B3GAT2: variants seen among roughly 807,000 people sequenced by gnomAD.
B3GAT2 encodes galactosylgalactosylxylosylprotein 3-beta-glucuronosyltransferase 2.
A neutral mutation model predicts 27.8 loss-of-function variants in B3GAT2; 26 were observed. The ratio of observed to expected loss-of-function variants is 0.93; its 90% CI spans 0.68 to 1.30. B3GAT2 has a LOEUF of 1.30. B3GAT2 is among the 50% of genes most tolerant of loss of function. The pLI, the probability that B3GAT2 is intolerant of heterozygous loss-of-function variation, is 0.00. For synonymous variants in B3GAT2, 218 were observed against 195.1 expected (o/e 1.12, Z -0.98); for missense variants, 458 against 459.0 (o/e 1.00, Z 0.02).
intron 1 of B3GAT2, among the ~76,000 whole-genome samples, chr6:70,946,719 C>T (rs1765490070): frequency 6.6e-6 from 1 of 152,142 alleles, no homozygotes; most frequent in African/African-American, 2.4e-5. Flanking sequence ...CTCAGCTCTG[C>T]ACCAAGCGGA....
chr6:70,866,018 G>T (rs1423183286), intron 2 of B3GAT2, among the ~76,000 whole-genome samples: 1 of 152,176 alleles, frequency 6.6e-6, no homozygotes, highest in African/African-American at 2.4e-5. Context: ...TATGCAGGGT[G>T]GAGTACTAGA....
chr6:70,875,179 A>G (rs1285439474), intron 2 of B3GAT2, among the ~76,000 whole-genome samples: 1 of 152,098 alleles, frequency 6.6e-6, no homozygotes, highest in African/African-American at 2.4e-5. Flanking sequence ...TGCAACCCCA[A>G]ATCCCAGTAC....
At chr6:70,889,368 C>A (rs565804824) in intron 2 of B3GAT2, among the ~76,000 whole-genome samples, 3 of 152,186 alleles carry the variant, frequency 2.0e-5, no homozygotes, top group African/African-American at 7.2e-5. Context: ...TTTGCTGCCG[C>A]ATTTCTTAAG....
Position 70,861,985 on chromosome 6 carries a change from G to GAAA in B3GAT2, c.737-10_737-8dup. On this transcript the variant is annotated splice_polypyrimidine_tract_variant and splice_region_variant and intron_variant, in intron 2 of 3. Coordinates refer to ENST00000230053, the MANE Select transcript of B3GAT2 (RefSeq NM_080742.3). ...TGAAGACTTACAGCAAATCCTTTGT[G>GAAA]AAAAATAAAAAAAAAAAAGAGACTT... 2 of 1,545,898 alleles carry GAAA rather than the reference G, an allele frequency of 1.3e-6. No homozygotes were observed. The highest frequency in any genetic ancestry group is 4.2e-5 in the Admixed American group (2 of 47,466).
At chr6:70,915,232 T>C (rs1448959262) in intron 1 of B3GAT2, among the ~76,000 whole-genome samples, 3 of 152,228 alleles carry the variant, frequency 2.0e-5, no homozygotes, top group Non-Finnish European at 4.4e-5. Context: ...TCATATCCTT[T>C]GCCCACTTTT....
At chr6:70,889,428 G>C (rs994500298) in intron 2 of B3GAT2, among the ~76,000 whole-genome samples, 3 of 151,938 alleles carry the variant, frequency 2.0e-5, no homozygotes, top group African/African-American at 7.3e-5. Context: ...CACCCCCACT[G>C]TCCACCCACT....
intron 2 of B3GAT2, 96 bp downstream of exon 2, chr6:70,894,032 T>C (rs2150031521): frequency 3.0e-6 from 4 of 1,335,054 alleles, no homozygotes; most frequent in Non-Finnish European, 4.0e-6. Flanking sequence ...TTTATCCAAA[T>C]TTGTCTTTTA....
intron 2 of B3GAT2, among the ~76,000 whole-genome samples, chr6:70,886,062 C>T (rs1229042079): frequency 6.6e-6 from 1 of 152,228 alleles, no homozygotes; most frequent in Admixed American, 6.5e-5. Flanking sequence ...TGTTCTACTC[C>T]TGGCTGCTTT....
chr6:70,867,546 A>G (rs1374439762), intron 2 of B3GAT2, among the ~76,000 whole-genome samples: 1 of 152,184 alleles, frequency 6.6e-6, no homozygotes, highest in Non-Finnish European at 1.5e-5. Flanking sequence ...TTTTTATGAT[A>G]GTAAATTTGA....
chr6:70,935,670 A>G, intron 1 of B3GAT2, among the ~76,000 whole-genome samples: 1 of 152,166 alleles, frequency 6.6e-6, no homozygotes, highest in Admixed American at 6.5e-5. Context: ...TAAGTGAAGG[A>G]GAAATAAAAT....
intron 1 of B3GAT2, among the ~76,000 whole-genome samples, chr6:70,942,854 A>G (rs1454491808): frequency 6.6e-6 from 1 of 152,190 alleles, no homozygotes; most frequent in Middle Eastern, 3.2e-3. Flanking sequence ...AGTACTGCTA[A>G]GATGCAAATC....
intron 1 of B3GAT2, among the ~76,000 whole-genome samples, chr6:70,937,628 AT>A (rs1424663980): frequency 2.6e-5 from 4 of 151,726 alleles, no homozygotes; most frequent in African/African-American, 9.7e-5. Flanking sequence ...AATCCAGCAT[AT>A]AAACAGAACC....
intron 1 of B3GAT2, among the ~76,000 whole-genome samples, chr6:70,944,256 C>T (rs1018490019): frequency 1.3e-5 from 2 of 152,112 alleles, no homozygotes; most frequent in African/African-American, 2.4e-5. Context: ...CGTGCCCAAG[C>T]GAAAGCAGGG....
At chr6:70,900,311 G>C (rs73505638) in intron 1 of B3GAT2, among the ~76,000 whole-genome samples, 35,023 of 152,144 alleles carry the variant, frequency 0.23, 4,140 homozygotes, top group Non-Finnish European at 0.26. Context: ...TTCCAGGGTA[G>C]TGGTGCTTGT....
At chr6:70,883,506 A>G (rs1468006728) in intron 2 of B3GAT2, among the ~76,000 whole-genome samples, 1 of 151,438 alleles carries the variant, frequency 6.6e-6, no homozygotes, top group Non-Finnish European at 1.5e-5. Flanking sequence ...TATATGAGGT[A>G]CCTAGAATAG....
chr6:70,933,480 C>A (rs1773091942), intron 1 of B3GAT2, among the ~76,000 whole-genome samples: 2 of 152,162 alleles, frequency 1.3e-5, no homozygotes, highest in Admixed American at 1.3e-4. Flanking sequence ...GTCATCAGAA[C>A]TTTTCTGCAG....
intron 1 of B3GAT2, among the ~76,000 whole-genome samples, chr6:70,907,085 C>G (rs1772614613): frequency 6.6e-6 from 1 of 152,200 alleles, no homozygotes; most frequent in Non-Finnish European, 1.5e-5. Context: ...TACTCAACAT[C>G]TACTTTCTTC....
intron 1 of B3GAT2, among the ~76,000 whole-genome samples, chr6:70,952,727 C>G (rs1765596494): frequency 6.6e-6 from 1 of 152,162 alleles, no homozygotes. Flanking sequence ...TGAACAGGCC[C>G]ATTTCTGTAG....
At chr6:70,954,640 T>C (rs1765621707) in intron 1 of B3GAT2, among the ~76,000 whole-genome samples, 2 of 152,058 alleles carry the variant, frequency 1.3e-5, no homozygotes, top group African/African-American at 2.4e-5. Flanking sequence ...AACTCACACA[T>C]AGTATTTTCC....
Sources: allele counts gnomAD v4.1 joint callset (sites outside exome capture counted in the v4.1 genomes callset), GRCh38; gene constraint gnomAD v4.1.1; transcripts MANE v1.5; gene names NCBI Gene and HGNC (gene_info 2026-07-23, HGNC 2026-07-21).